The following RCAN1 variants were observed in gnomAD, a reference collection of about 807,000 sequenced individuals.
The protein encoded by RCAN1 is calcipressin-1.
In RCAN1, 11 loss-of-function variants were observed where a neutral mutation model predicts 22.9. The observed-to-expected ratio is 0.48, with a 90% CI of 0.30 to 0.79. RCAN1 has a LOEUF of 0.79. Among genes scored for constraint, RCAN1 ranks in the 30% least tolerant of loss-of-function variants. RCAN1 has a pLI of 0.06. For missense variants in RCAN1, 291 were observed against 337.8 expected (o/e 0.86, Z 1.09); for synonymous variants, 136 against 142.3 (o/e 0.96, Z 0.32).
At chr21:34,521,254 G>C (rs563837988) in intron 3 of RCAN1, 9 of 1,435,856 alleles carry the variant, frequency 6.3e-6, no homozygotes, top group Non-Finnish European at 7.3e-6. Context: ...GACACTGCGG[G>C]GGGTGGAGGG....
chr21:34,541,435 T>A (rs1255437965), intron 1 of RCAN1, among the ~76,000 whole-genome samples: 1 of 152,232 alleles, frequency 6.6e-6, no homozygotes, highest in Admixed American at 6.5e-5. Flanking sequence ...CTTATACTAG[T>A]TAGTTAACGT....
intron 1 of RCAN1, among the ~76,000 whole-genome samples, chr21:34,538,501 T>C (rs7276690): frequency 0.36 from 55,248 of 151,910 alleles, 11,249 homozygotes; most frequent in African/African-American, 0.56. Context: ...CAATTCCCCA[T>C]CCACTCCCCG....
intron 1 of RCAN1, among the ~76,000 whole-genome samples, chr21:34,562,972 AT>A (rs1184876214): frequency 6.6e-6 from 1 of 152,148 alleles, no homozygotes; most frequent in Non-Finnish European, 1.5e-5. Context: ...GTTCCTCTTC[AT>A]TTCCACCTTT....
chr21:34,539,489 G>C (rs1417066417), intron 1 of RCAN1, among the ~76,000 whole-genome samples: 1 of 152,166 alleles, frequency 6.6e-6, no homozygotes, highest in Non-Finnish European at 1.5e-5. Context: ...TTTTCTTCTT[G>C]ATTATTTGGA....
intron 1 of RCAN1, among the ~76,000 whole-genome samples, chr21:34,530,600 C>G (rs760978958): frequency 1.2e-3 from 155 of 129,050 alleles, no homozygotes; most frequent in Non-Finnish European, 2.3e-3. Flanking sequence ...TTTTTTGCTT[C>G]TAAGATAGTG....
chr21:34,552,063 G>C (rs1303605294), intron 1 of RCAN1, among the ~76,000 whole-genome samples: 1 of 152,152 alleles, frequency 6.6e-6, no homozygotes, highest in Admixed American at 6.6e-5. Context: ...ATCCTAGGGT[G>C]TTCCTCACTC....
intron 3 of RCAN1, chr21:34,521,150 A>G: frequency 1.6e-6 from 2 of 1,278,096 alleles, no homozygotes; most frequent in Non-Finnish European, 2.0e-6. Context: ...CCAAAGTCCA[A>G]TCACTCATCC....
At chr21:34,593,508 C>T (rs1004969759) in intron 1 of RCAN1, among the ~76,000 whole-genome samples, 1 of 152,254 alleles carries the variant, frequency 6.6e-6, no homozygotes, top group African/African-American at 2.4e-5. Context: ...CCAAATAAGG[C>T]TAGCACACCT....
At chr21:34,578,130 AG>A (rs140584355) in intron 1 of RCAN1, among the ~76,000 whole-genome samples, 26,348 of 152,156 alleles carry the variant, frequency 0.17, 2,741 homozygotes, top group South Asian at 0.25. Context: ...ACCAGCATGA[AG>A]GCCACATGCA....
At chr21:34,536,360 G>A (rs1257881120) in intron 1 of RCAN1, among the ~76,000 whole-genome samples, 3 of 152,142 alleles carry the variant, frequency 2.0e-5, no homozygotes, top group Non-Finnish European at 4.4e-5. Context: ...TCAGCCAGGG[G>A]CACAGCACTG....
At chr21:34,604,126 G>T (rs547180263) in intron 1 of RCAN1, among the ~76,000 whole-genome samples, 1 of 152,152 alleles carries the variant, frequency 6.6e-6, no homozygotes, top group East Asian at 1.9e-4. Context: ...GACAGAATCC[G>T]TCTTGGGGTC....
chr21:34,611,496 T>C (rs989384143), intron 1 of RCAN1, among the ~76,000 whole-genome samples: 1 of 152,178 alleles, frequency 6.6e-6, no homozygotes, highest in African/African-American at 2.4e-5. Context: ...AGAATTCTAG[T>C]TCAGGTTAAT....
intron 1 of RCAN1, among the ~76,000 whole-genome samples, chr21:34,532,974 T>TG (rs1985474715): frequency 6.6e-6 from 1 of 151,658 alleles, no homozygotes; most frequent in Non-Finnish European, 1.5e-5. Context: ...TTTTTTTTTT[T>TG]TTTTGAGACG....
intron 1 of RCAN1, chr21:34,526,644 G>T (rs147745471): frequency 2.5e-6 from 4 of 1,606,106 alleles, no homozygotes; most frequent in Non-Finnish European, 3.4e-6. Flanking sequence ...AGAAAATCAC[G>T]TTATATTAGA....
At chr21:34,604,430 C>T (rs1484665466) in intron 1 of RCAN1, among the ~76,000 whole-genome samples, 1 of 152,202 alleles carries the variant, frequency 6.6e-6, no homozygotes, top group East Asian at 1.9e-4. Context: ...CAGCACCCGG[C>T]CATCTTGGGG....
At chr21:34,547,353 C>T (rs1986190883) in intron 1 of RCAN1, among the ~76,000 whole-genome samples, 1 of 152,272 alleles carries the variant, frequency 6.6e-6, no homozygotes, top group African/African-American at 2.4e-5. Context: ...CTGCTCACTG[C>T]CATGTATGGG....
intron 1 of RCAN1, among the ~76,000 whole-genome samples, chr21:34,613,567 A>G (rs1601231023): frequency 6.6e-6 from 1 of 152,340 alleles, no homozygotes; most frequent in African/African-American, 2.4e-5. Flanking sequence ...TCTAGCAGAA[A>G]GACAGCCTAG....
In RCAN1 at chr21:34,548,275, T is replaced by C. The variant is rs1367703305; in HGVS notation, c.253-24565A>G. On this transcript the variant is annotated intron_variant, in intron 1 of 3. Coordinates refer to ENST00000313806, the MANE Select transcript of RCAN1 (RefSeq NM_004414.7). ...AGAAGAACTGAATTTAGCCAATCAA[T>C]GTAATTTCACATTGATTTTCATTAC... 2.7e-5 allele frequency among the ~76,000 whole-genome samples: 4 copies of C among 150,748 alleles called. No homozygotes were observed. The East Asian group carries it at 7.8e-4, about 29-fold the overall frequency.
intron 1 of RCAN1, among the ~76,000 whole-genome samples, chr21:34,578,801 G>A (rs1230507195): frequency 6.6e-6 from 1 of 152,098 alleles, no homozygotes; most frequent in Non-Finnish European, 1.5e-5. Context: ...TCTAAATACA[G>A]CGCCCAACAG....
Sources: allele counts gnomAD v4.1 joint callset (sites outside exome capture counted in the v4.1 genomes callset), GRCh38; gene constraint gnomAD v4.1.1; transcripts MANE v1.5; gene names NCBI Gene and HGNC (gene_info 2026-07-23, HGNC 2026-07-21).